ADGRL2: variants seen among roughly 807,000 people sequenced by gnomAD.
The protein encoded by ADGRL2 is calcium-independent alpha-latrotoxin receptor 2.
ADGRL2 carries 44 observed loss-of-function variants against 157.4 expected under a neutral mutation model. The observed-to-expected ratio is 0.28, with a 90% CI of 0.22 to 0.36. ADGRL2 has a LOEUF of 0.36. Ranked by LOEUF, ADGRL2 falls within the 10% of genes least tolerant of loss-of-function variation. ADGRL2 has a pLI of 1.00. For missense variants in ADGRL2, 1,510 were observed against 1,768.9 expected, an observed-to-expected ratio of 0.85 and a Z score of 2.63; for synonymous variants, 585 against 624.7, an observed-to-expected ratio of 0.94 and a Z score of 0.95.
intron 3 of ADGRL2, among the ~76,000 whole-genome samples, chr1:81,689,078 G>A (rs1298717021): frequency 6.6e-6 from 1 of 152,150 alleles, no homozygotes; most frequent in Non-Finnish European, 1.5e-5. Context: ...TGTTCTGGTG[G>A]ACGTGGTGAA....
intron 2 of ADGRL2, among the ~76,000 whole-genome samples, chr1:81,516,402 G>T (rs531921996): frequency 7.4e-4 from 113 of 152,218 alleles, no homozygotes; most frequent in African/African-American, 2.5e-3. Context: ...TGCACGTCTT[G>T]TTCCAAGATT....
intron 3 of ADGRL2, among the ~76,000 whole-genome samples, chr1:81,652,556 G>T (rs2082442926): frequency 6.6e-6 from 1 of 152,062 alleles, no homozygotes; most frequent in Non-Finnish European, 1.5e-5. Context: ...GGTGCTTCCA[G>T]ACCTTTTATT....
At chr1:81,424,277 T>C (rs1183168665) in intron 1 of ADGRL2, among the ~76,000 whole-genome samples, 1 of 152,192 alleles carries the variant, frequency 6.6e-6, no homozygotes, top group African/African-American at 2.4e-5. Context: ...CCAGTGCAGA[T>C]AATCACAGGA....
intron 2 of ADGRL2, among the ~76,000 whole-genome samples, chr1:81,773,020 G>A (rs2086437624): frequency 1.3e-5 from 2 of 152,264 alleles, no homozygotes; most frequent in Admixed American, 1.3e-4. Context: ...TTAGAAAGGA[G>A]TTGTGTTCTC....
At position 81,524,580 on chromosome 1, in the gene ADGRL2, G is replaced by A. The variant is rs368023225; in HGVS notation, c.-247-56296G>A. ...CATCAATAGAAGACAGTTTAAACAC[G>A]TAATGGAACAACCATATAATGTAAT... On this transcript the variant is annotated intron_variant, in intron 2 of 24. Transcript: ENST00000370721. Among the ~76,000 whole-genome samples, 41 of 151,908 alleles carry A rather than the reference G, an allele frequency of 2.7e-4. No individual in the cohort carries two copies. In the East Asian group the frequency reaches 5.4e-3, roughly 20 times the overall value.
chr1:81,669,758 C>T (rs530508172), intron 3 of ADGRL2, among the ~76,000 whole-genome samples: 10 of 151,890 alleles, frequency 6.6e-5, no homozygotes, highest in East Asian at 3.9e-4. Context: ...CTGGCTAACA[C>T]GGTGAAACCC....
At position 81,991,208 on chromosome 1, in the gene ADGRL2, C is replaced by T; in HGVS notation, c.*63C>T. The T allele has an allele frequency of 6.9e-7, 1 of 1,446,872 alleles. No homozygotes were observed. Among genetic ancestry groups the T allele is most frequent in the Non-Finnish European group, 9.3e-7 (1 of 1,072,406 alleles). 89.6% of individuals were successfully genotyped at this position (1,446,872 alleles called of 1,614,324 possible). A position where few individuals can be genotyped will look rare whatever the true frequency, so the allele number is the denominator to read the frequency against. ...ATTAATAAATAAAGACACCATTGGCCTGACGCAGCTCCCTCAAACTCTGCT... is the reference window on the plus strand; with the variant it reads ...ATTAATAAATAAAGACACCATTGGCTTGACGCAGCTCCCTCAAACTCTGCT... On this transcript the variant is annotated 3_prime_UTR_variant, in exon 24 of 24. Coordinates refer to ENST00000686636, the MANE Select transcript of ADGRL2 (RefSeq NM_001366006.2).
At chr1:81,856,915 CAT>C (rs2093223492) in intron 2 of ADGRL2, among the ~76,000 whole-genome samples, 1 of 152,034 alleles carries the variant, frequency 6.6e-6, no homozygotes, top group Admixed American at 6.6e-5. Flanking sequence ...AAATAATAAA[CAT>C]GAGTAAAGTT....
At chr1:81,684,368 A>AT (rs2083187430) in intron 3 of ADGRL2, among the ~76,000 whole-genome samples, 1 of 151,904 alleles carries the variant, frequency 6.6e-6, no homozygotes, top group Non-Finnish European at 1.5e-5. Flanking sequence ...TTTGATTTGC[A>AT]TTTCCCTGAT....
intron 2 of ADGRL2, among the ~76,000 whole-genome samples, chr1:81,871,601 T>C (rs1192999587): frequency 6.6e-6 from 1 of 152,166 alleles, no homozygotes. Context: ...CACCTGTTGT[T>C]TCCTGACTTT....
chr1:81,554,074 C>T (rs1199860523), intron 2 of ADGRL2, among the ~76,000 whole-genome samples: 2 of 152,166 alleles, frequency 1.3e-5, no homozygotes, highest in Non-Finnish European at 2.9e-5. Context: ...TCTGATAATT[C>T]CAGCAGTCAG....
chr1:81,802,169 C>T (rs2088292254), intron 1 of ADGRL2, among the ~76,000 whole-genome samples: 1 of 151,710 alleles, frequency 6.6e-6, no homozygotes, highest in Non-Finnish European at 1.5e-5. Context: ...GCCCTCCGCG[C>T]CTGTCCCCGC....
chr1:81,716,006 T>C (rs1330085391), intron 1 of ADGRL2, among the ~76,000 whole-genome samples: 1 of 152,120 alleles, frequency 6.6e-6, no homozygotes. Context: ...CTGAAATATA[T>C]GATACCATTT....
chr1:81,415,638 A>T (rs1018070105), intron 1 of ADGRL2, among the ~76,000 whole-genome samples: 1 of 152,212 alleles, frequency 6.6e-6, no homozygotes, highest in Non-Finnish European at 1.5e-5. Flanking sequence ...TCTTTGGCTT[A>T]CAAATACTCC....
intron 3 of ADGRL2, among the ~76,000 whole-genome samples, chr1:81,672,958 T>C (rs1197740353): frequency 6.6e-6 from 1 of 152,196 alleles, no homozygotes; most frequent in Non-Finnish European, 1.5e-5. Flanking sequence ...TGGCCACCCA[T>C]ATGATGGAGC....
chr1:81,469,959 T>C (rs2078136652), intron 2 of ADGRL2, among the ~76,000 whole-genome samples: 1 of 152,216 alleles, frequency 6.6e-6, no homozygotes, highest in Non-Finnish European at 1.5e-5. Context: ...TGTGGACTGA[T>C]AGCCATGCTT....
chr1:81,730,713 A>C lies in ADGRL2; in HGVS notation c.-143+30905A>C, dbSNP rs570954898. On this transcript the variant is annotated intron_variant, in intron 1 of 20. Coordinates refer to the ADGRL2 transcript ENST00000359929. ...ACTCCAGCCTGGGCGGCAGAGTGAG[A>C]CTCCATCTCAAAAAGAAAAAAAAAA... Among the ~76,000 whole-genome samples the C allele has an allele frequency of 1.1e-3, 168 of 146,852 alleles. 1 individual carries two copies. Among genetic ancestry groups the C allele is most frequent in the African/African-American group, 4.2e-3 (162 of 38,334 alleles).
rs1025687764 is a variant in ADGRL2, at chr1:81,369,948, C to G, written c.-302+63439C>G. 1.3e-5 allele frequency among the ~76,000 whole-genome samples: 2 copies of G among 152,274 alleles called. 1 individual carries two copies. Among genetic ancestry groups the G allele is most frequent in the African/African-American group, 4.8e-5 (2 of 41,564 alleles). On this transcript the variant is annotated intron_variant, in intron 1 of 24. Coordinates refer to the ADGRL2 transcript ENST00000370721. ...GTACTGATTTCCAAAACCAGTGGAA[C>G]AGCCTTGAGAGTTTCTTCCTTACAG...
chr1:81,837,532 A>G (rs1418448142), intron 2 of ADGRL2, among the ~76,000 whole-genome samples: 2 of 151,824 alleles, frequency 1.3e-5, no homozygotes, highest in Non-Finnish European at 2.9e-5. Context: ...TTAGCTGTAT[A>G]TGTGTGTGTA....
Sources: gnomAD v4.1 joint callset for allele counts (sites outside exome capture counted in the v4.1 genomes callset) on GRCh38, gnomAD v4.1.1 for gene constraint, MANE v1.5 for transcripts, NCBI Gene and HGNC (gene_info 2026-07-23, HGNC 2026-07-21) for gene names.